The following CCDC3 variants were observed in gnomAD, a reference collection of about 807,000 sequenced individuals.
CCDC3 encodes coiled-coil domain-containing protein 3.
Under a neutral mutation model 21.4 loss-of-function variants are expected in CCDC3, and 24 were observed. That is an observed-to-expected ratio of 1.12 (90% confidence interval 0.81 to 1.58). The LOEUF is 1.58. Among genes scored for constraint, CCDC3 ranks in the 40% most tolerant of loss-of-function variants. CCDC3 has a pLI of 0.00. For missense variants in CCDC3, 425 were observed against 360.9 expected (o/e 1.18, Z -1.44); for synonymous variants, 186 against 166.0 (o/e 1.12, Z -0.93).
At chr10:12,910,416 T>C (rs985387393) in intron 2 of CCDC3, among the ~76,000 whole-genome samples, 2 of 152,146 alleles carry the variant, frequency 1.3e-5, no homozygotes, top group African/African-American at 4.8e-5. Context: ...CATAACCATA[T>C]GTCCCCAAAT....
chr10:13,068,800 G>A (rs1836850982), intron 4 of CCDC3, among the ~76,000 whole-genome samples: 2 of 152,164 alleles, frequency 1.3e-5, no homozygotes, highest in Non-Finnish European at 2.9e-5. Flanking sequence ...TGAAACTACT[G>A]GAAATAGATT....
chr10:12,901,100 C>A (rs1013144421), intron 2 of CCDC3, among the ~76,000 whole-genome samples: 3 of 152,162 alleles, frequency 2.0e-5, no homozygotes, highest in African/African-American at 7.2e-5. Flanking sequence ...CTTGGAAGAT[C>A]TCTGAAGGGC....
chr10:12,928,357 A>C (rs1211677389), intron 2 of CCDC3, among the ~76,000 whole-genome samples: 8 of 152,262 alleles, frequency 5.3e-5, no homozygotes, highest in Non-Finnish European at 1.2e-4. Flanking sequence ...AAAAGGAAAG[A>C]GAAAGCATGA....
At chr10:12,967,150 A>G (rs1284975349) in intron 2 of CCDC3, among the ~76,000 whole-genome samples, 2 of 152,206 alleles carry the variant, frequency 1.3e-5, no homozygotes, top group African/African-American at 4.8e-5. Context: ...GGCTGGTTCC[A>G]TATGCAATGT....
intron 2 of CCDC3, among the ~76,000 whole-genome samples, chr10:12,916,849 G>A (rs1033014155): frequency 7.9e-5 from 12 of 152,234 alleles, no homozygotes; most frequent in African/African-American, 2.9e-4. Flanking sequence ...TGGTGCTGGG[G>A]TGGATCTGAA....
intron 2 of CCDC3, among the ~76,000 whole-genome samples, chr10:12,917,815 TTACTGAATTTTG>T (rs898041075): frequency 6.6e-6 from 1 of 152,252 alleles, no homozygotes; most frequent in African/African-American, 2.4e-5. Context: ...CTGTGGGCTG[TTACTGAATTTTG>T]TACTTTCCTA....
intron 2 of CCDC3, among the ~76,000 whole-genome samples, chr10:12,950,956 C>T (rs1442741399): frequency 3.9e-5 from 6 of 152,150 alleles, no homozygotes; most frequent in Admixed American, 1.3e-4. Flanking sequence ...CAGTAGGGTG[C>T]GTCTGTCTGG....
At position 12,898,803 on chromosome 10, in the gene CCDC3, A is replaced by T. The variant is rs555883129; in HGVS notation, c.550-124T>A. The T allele has an allele frequency of 8.7e-6, 10 of 1,146,406 alleles. No individual in the cohort carries two copies. The African/African-American group carries it at 1.5e-4, about 18-fold the overall frequency. 71.0% of individuals were successfully genotyped at this position (1,146,406 alleles called of 1,614,324 possible). A position where few individuals can be genotyped will look rare whatever the true frequency, so the allele number is the denominator to read the frequency against. On this transcript the variant is annotated intron_variant, in intron 2 of 2. Transcript: ENST00000378825. The stretch of plus-strand genomic sequence containing the variant: ...ACAGACCCCGATTCCCCACCCCAGC[A>T]TGGGCATAAACCCCAGGATGTCCTT...
intron 2 of CCDC3, among the ~76,000 whole-genome samples, chr10:12,903,651 C>G (rs567018566): frequency 6.6e-6 from 1 of 152,336 alleles, no homozygotes; most frequent in East Asian, 1.9e-4. Context: ...GCTTGGGTAC[C>G]TCTGGCATTT....
chr10:12,916,232 G>T (rs1834351604), intron 2 of CCDC3, among the ~76,000 whole-genome samples: 1 of 152,138 alleles, frequency 6.6e-6, no homozygotes, highest in Admixed American at 6.5e-5. Context: ...AGGCGATTGA[G>T]ACCAGCCTGG....
In CCDC3 at chr10:12,991,126, T is replaced by C. The variant is rs74119555; in HGVS notation, c.549+7212A>G. Among the ~76,000 whole-genome samples, 1,316 of 152,300 alleles carry C rather than the reference T, an allele frequency of 8.6e-3. 22 individuals are homozygous for C. Among genetic ancestry groups the C allele is most frequent in the African/African-American group, 0.03 (1,266 of 41,562 alleles). On this transcript the variant is annotated intron_variant, in intron 2 of 2. Transcript: ENST00000378825. ...ATACCTTTAAATTGTTCTAGAGCCC[T>C]TTCTGAAAAATGTGAATGAAATGAG...
At chr10:12,954,475 C>T (rs1445617381) in intron 2 of CCDC3, among the ~76,000 whole-genome samples, 2 of 152,128 alleles carry the variant, frequency 1.3e-5, no homozygotes, top group East Asian at 1.9e-4. Flanking sequence ...TTATTTGGCT[C>T]ACAATTCTGC....
At chr10:12,932,231 G>T (rs942457163) in intron 2 of CCDC3, among the ~76,000 whole-genome samples, 21 of 152,162 alleles carry the variant, frequency 1.4e-4, no homozygotes, top group Non-Finnish European at 2.9e-4. Flanking sequence ...TTCCTTGTAA[G>T]TAATGTTTCT....
chr10:12,935,039 C>G (rs534473745), intron 2 of CCDC3, among the ~76,000 whole-genome samples: 1 of 151,906 alleles, frequency 6.6e-6, no homozygotes, highest in Non-Finnish European at 1.5e-5. Context: ...GCTGGGACTA[C>G]GGATGTGCAC....
At chr10:13,041,491 T>C (rs1450336998) in intron 5 of CCDC3, among the ~76,000 whole-genome samples, 1 of 143,200 alleles carries the variant, frequency 7.0e-6, no homozygotes, top group Non-Finnish European at 1.5e-5. Flanking sequence ...TCACTCCAAG[T>C]GTCTGGCAGA....
intron 4 of CCDC3, among the ~76,000 whole-genome samples, chr10:13,071,689 C>T (rs10906292): frequency 0.32 from 49,235 of 151,784 alleles, 8,256 homozygotes; most frequent in African/African-American, 0.4. Context: ...GAAAGAGGAA[C>T]GCCTCACTTT....
chr10:13,001,155 C>T (rs1458872167), intron 1 of CCDC3, 42 bp downstream of exon 1: 2 of 1,523,914 alleles, frequency 1.3e-6, no homozygotes, highest in South Asian at 1.2e-5. Flanking sequence ...CGGGAGGTGG[C>T]GCAGAGAGAG....
chr10:12,966,851 A>G (rs1835269393), intron 2 of CCDC3, among the ~76,000 whole-genome samples: 1 of 152,194 alleles, frequency 6.6e-6, no homozygotes, highest in South Asian at 2.1e-4. Flanking sequence ...TTTGTATAGC[A>G]CTTGACAATG....
At chr10:13,024,955 C>G in intron 5 of CCDC3, among the ~76,000 whole-genome samples, 1 of 152,198 alleles carries the variant, frequency 6.6e-6, no homozygotes, top group East Asian at 1.9e-4. Flanking sequence ...TTCTTCATTC[C>G]TTCTGCCAGA....
Sources: allele counts gnomAD v4.1 joint callset (sites outside exome capture counted in the v4.1 genomes callset), GRCh38; gene constraint gnomAD v4.1.1; transcripts MANE v1.5; gene names NCBI Gene and HGNC (gene_info 2026-07-23, HGNC 2026-07-21).